Variants in KLHL1 observed in about 807,000 individuals in gnomAD.
The protein encoded by KLHL1 is kelch-like protein 1.
A neutral mutation model predicts 77.7 loss-of-function variants in KLHL1; 47 were observed. The observed-to-expected ratio is 0.60, with a 90% confidence interval of 0.48 to 0.77. KLHL1 has a LOEUF of 0.77. Among genes scored for constraint, KLHL1 ranks in the 30% least tolerant of loss-of-function variants. The pLI is 0.00. For missense variants in KLHL1, 925 were observed against 910.8 expected (o/e 1.02, Z -0.20); for synonymous variants, 360 against 325.2 (o/e 1.11, Z -1.15).
At chr13:69,988,609 C>A (rs1009091955) in intron 1 of KLHL1, among the ~76,000 whole-genome samples, 3 of 152,060 alleles carry the variant, frequency 2.0e-5, no homozygotes, top group African/African-American at 7.2e-5. Flanking sequence ...TCCTCTGCAA[C>A]CTTGCTAGCA....
At chr13:69,931,709 G>T (rs1281132770) in intron 4 of KLHL1, among the ~76,000 whole-genome samples, 1 of 151,614 alleles carries the variant, frequency 6.6e-6, no homozygotes, top group East Asian at 1.9e-4. Flanking sequence ...CTTAACTAAG[G>T]ATACCATTTA....
intron 1 of KLHL1, among the ~76,000 whole-genome samples, chr13:69,985,500 CT>C (rs1047716234): frequency 6.6e-6 from 1 of 151,334 alleles, no homozygotes; most frequent in Non-Finnish European, 1.5e-5. Flanking sequence ...ATAAAAAATA[CT>C]GGTGAGAATA....
chr13:69,946,316 T>C (rs188750061), intron 3 of KLHL1, among the ~76,000 whole-genome samples: 8 of 152,274 alleles, frequency 5.3e-5, no homozygotes, highest in Admixed American at 2.0e-4. Flanking sequence ...ATATGTGCAG[T>C]TTATTATATC....
chr13:69,707,706 T>C lies in KLHL1; in HGVS notation c.2106A>G (p.Leu702=), dbSNP rs1429770092. Residue 702 remains leucine, a synonymous_variant, in exon 10 of 11, where the codon TTA becomes TTG. Coordinates refer to ENST00000377844, the MANE Select transcript of KLHL1 (RefSeq NM_020866.3). ...GTCCATCATAGCCACCAACAGCATA[T>C]AATCTGTCACCAAGGAGACAGACCC... ...AVGVCLLGDR[L]YAVGGYDGQT... 1.2e-6 allele frequency: 2 copies of C among 1,612,902 alleles called. No homozygotes were observed. The highest frequency in any genetic ancestry group is 1.7e-5 in the Admixed American group (1 of 59,800).
chr13:70,036,258 TC>T (rs1258763713), intron 1 of KLHL1, among the ~76,000 whole-genome samples: 2 of 152,062 alleles, frequency 1.3e-5, no homozygotes, highest in South Asian at 4.1e-4. Flanking sequence ...TATTATTCCC[TC>T]CCACTTTTTA....
At chr13:69,901,740 G>C (rs1881866003) in intron 4 of KLHL1, among the ~76,000 whole-genome samples, 1 of 150,242 alleles carries the variant, frequency 6.7e-6, no homozygotes, top group South Asian at 2.1e-4. Context: ...TTAGGAGATA[G>C]TTAACATATT....
intron 7 of KLHL1, among the ~76,000 whole-genome samples, chr13:69,750,245 G>A (rs528033358): frequency 2.4e-4 from 37 of 151,526 alleles, no homozygotes; most frequent in African/African-American, 7.7e-4. Context: ...TGTAAAAATC[G>A]TCATCGTGTA....
chr13:69,983,451 A>G (rs929010824), intron 1 of KLHL1, among the ~76,000 whole-genome samples: 9 of 151,908 alleles, frequency 5.9e-5, no homozygotes, highest in Admixed American at 3.9e-4. Context: ...TGACTTTAAA[A>G]TATACTGTGC....
chr13:70,096,945 G>C (rs934190699), intron 1 of KLHL1, among the ~76,000 whole-genome samples: 4 of 151,968 alleles, frequency 2.6e-5, no homozygotes, highest in Non-Finnish European at 4.4e-5. Context: ...ACAGCTCATA[G>C]CTGACTCTAA....
chr13:69,874,245 T>C (rs1453753125), intron 5 of KLHL1, among the ~76,000 whole-genome samples: 1 of 152,194 alleles, frequency 6.6e-6, no homozygotes, highest in East Asian at 1.9e-4. Context: ...CCATTGCTTC[T>C]AGTCTCCAGA....
At chr13:70,039,153 G>T (rs1191974462) in intron 1 of KLHL1, among the ~76,000 whole-genome samples, 1 of 147,814 alleles carries the variant, frequency 6.8e-6, no homozygotes, top group Non-Finnish European at 1.5e-5. Flanking sequence ...CTGTAAACTT[G>T]AATTCCTAGG....
chr13:69,949,150 TTG>T (rs1883624532), intron 3 of KLHL1, among the ~76,000 whole-genome samples: 1 of 151,928 alleles, frequency 6.6e-6, no homozygotes, highest in East Asian at 1.9e-4. Context: ...TGAACAAATA[TTG>T]TTACATTATT....
intron 5 of KLHL1, among the ~76,000 whole-genome samples, chr13:69,860,302 G>C (rs1218599508): frequency 6.6e-6 from 1 of 151,932 alleles, no homozygotes; most frequent in East Asian, 1.9e-4. Context: ...AAACAAACAA[G>C]TATGAGCATG....
At chr13:69,911,763 T>C (rs1882247532) in intron 4 of KLHL1, among the ~76,000 whole-genome samples, 1 of 152,092 alleles carries the variant, frequency 6.6e-6, no homozygotes, top group Non-Finnish European at 1.5e-5. Context: ...TATATTATAT[T>C]TCATTGATTT....
At chr13:69,789,349 AAAT>A (rs1311187406) in intron 7 of KLHL1, among the ~76,000 whole-genome samples, 1 of 151,906 alleles carries the variant, frequency 6.6e-6, no homozygotes, top group Non-Finnish European at 1.5e-5. Flanking sequence ...TAAAAAATCA[AAAT>A]ATTATTACAT....
intron 7 of KLHL1, among the ~76,000 whole-genome samples, chr13:69,791,451 G>A (rs956067383): frequency 2.6e-5 from 4 of 151,814 alleles, no homozygotes; most frequent in African/African-American, 9.7e-5. Context: ...AAAAAATATG[G>A]AAATACAAGG....
At chr13:69,774,808 G>A (rs140489494) in intron 7 of KLHL1, among the ~76,000 whole-genome samples, 1 of 152,256 alleles carries the variant, frequency 6.6e-6, no homozygotes, top group Non-Finnish European at 1.5e-5. Context: ...GACTACCTAT[G>A]TGTTATCTTT....
intron 8 of KLHL1, among the ~76,000 whole-genome samples, chr13:69,732,032 CAAAAT>C (rs770908041): frequency 1.5e-4 from 23 of 151,882 alleles, no homozygotes; most frequent in Non-Finnish European, 1.5e-4. Flanking sequence ...ATAACACACT[CAAAAT>C]AAGGTGGTTA....
At chr13:69,997,669 T>C (rs915115693) in intron 1 of KLHL1, among the ~76,000 whole-genome samples, 1 of 101,788 alleles carries the variant, frequency 9.8e-6, no homozygotes, top group Non-Finnish European at 2.1e-5. Context: ...TAATATATTA[T>C]ATATAATATT....
Sources: allele counts gnomAD v4.1 joint callset (sites outside exome capture counted in the v4.1 genomes callset), GRCh38; gene constraint gnomAD v4.1.1; transcripts MANE v1.5; gene names NCBI Gene and HGNC (gene_info 2026-07-23, HGNC 2026-07-21).